EPG5: variants seen among roughly 807,000 people sequenced by gnomAD.
EPG5 encodes ectopic P-granules 5 autophagy tethering factor.
In EPG5, 159 loss-of-function variants were observed where a neutral mutation model predicts 302.7. The ratio of observed to expected loss-of-function variants is 0.53; its 90% CI spans 0.46 to 0.60. The LOEUF (loss-of-function observed/expected upper bound fraction) is 0.60, where lower values mean the gene tolerates loss of function less well. Among genes scored for constraint, EPG5 ranks in the 20% least tolerant of loss-of-function variants. The probability of loss-of-function intolerance (pLI) is 0.00; values close to 1 mark genes in which losing one functional copy is unlikely to be tolerated. For synonymous variants in EPG5, 1,158 were observed against 1,136.8 expected (o/e 1.02, Z -0.37); for missense variants, 2,896 against 3,092.4 (o/e 0.94, Z 1.51).
intron 35 of EPG5, among the ~76,000 whole-genome samples, chr18:45,873,474 C>T (rs1330468894): frequency 2.6e-5 from 4 of 151,186 alleles, no homozygotes; most frequent in Non-Finnish European, 4.4e-5. Context: ...CCTGCCACTG[C>T]ACTCCAGCCT....
intron 35 of EPG5, among the ~76,000 whole-genome samples, chr18:45,875,454 G>A (rs1168459890): frequency 6.6e-6 from 1 of 151,854 alleles, no homozygotes; most frequent in Admixed American, 6.6e-5. Flanking sequence ...AAAGGATCAG[G>A]GTACATTTGA....
chr18:45,900,866 T>C, intron 26 of EPG5, 130 bp downstream of exon 26: 1 of 884,908 alleles, frequency 1.1e-6, no homozygotes, highest in East Asian at 2.5e-5. Context: ...AAGTGAACCG[T>C]CTGGGCCAGG....
chr18:45,921,119 T>A (rs774075742), intron 16 of EPG5, among the ~76,000 whole-genome samples: 11 of 152,226 alleles, frequency 7.2e-5, no homozygotes, highest in Non-Finnish European at 1.3e-4. Flanking sequence ...AATTATATTC[T>A]ATAGTACTGC....
chr18:45,916,569 G>C lies in EPG5; in HGVS notation c.3253C>G (p.Leu1085Val), dbSNP rs771017938. ...LLKNEQFLSH[L>V]LLFLHLDSGV... ...CTGTCCAAGTGTAGGAACAAGAGGAGATGCGATAAAAACCTGCCAAGCACA... is the reference window on the plus strand; with the variant it reads ...CTGTCCAAGTGTAGGAACAAGAGGACATGCGATAAAAACCTGCCAAGCACA... Residue 1085 changes from leucine (L) to valine (V), a missense_variant, in exon 18 of 44, where the codon CTC becomes GTC. Physicochemically the swap from Leu to Val is conservative, Grantham distance 32 (BLOSUM62 1). Around this residue, in one of 5 missense-constraint regions of EPG5, gnomAD observed 1,390 missense variants for 1,430.0 expected, o/e 0.97. Transcript: ENST00000282041. The C allele has an allele frequency of 7.5e-6, 12 of 1,599,280 alleles. No homozygotes were observed. Among genetic ancestry groups the C allele is most frequent in the Non-Finnish European group, 1.0e-5 (12 of 1,167,816 alleles).
the EPG5 span, among the ~76,000 whole-genome samples, chr18:45,828,703 T>C: frequency 0.049 from 7,454 of 152,264 alleles, 614 homozygotes; most frequent in African/African-American, 0.17. Context: ...AAGCAGAGGC[T>C]TCTGAGTGTG....
chr18:45,939,607 C>T lies in EPG5; in HGVS notation c.2092G>A (p.Ala698Thr). Residue 698 changes from alanine (A) to threonine (T), a missense_variant, in exon 10 of 44, where the codon GCC becomes ACC. This residue lies in a region of EPG5 where 1,390 missense variants were observed against 1,430.0 expected (regional missense o/e 0.97). Coordinates refer to ENST00000282041, the MANE Select transcript of EPG5 (RefSeq NM_020964.3). ...ATCATATGTCTTACTTACCTTTTGG[C>T]CTTCAGCACATGTAGGACAGCCCTC... ...FLRAVLHVLKAKRLGIWLFMS... is the reference protein window; with the variant it reads ...FLRAVLHVLKTKRLGIWLFMS... 6.2e-7 allele frequency: 1 copy of T among 1,613,934 alleles called. No homozygotes were observed. The highest frequency in any genetic ancestry group is 8.5e-7 in the Non-Finnish European group (1 of 1,179,936).
intron 10 of EPG5, among the ~76,000 whole-genome samples, chr18:45,936,877 T>C (rs1010363913): frequency 4.6e-5 from 7 of 151,846 alleles, no homozygotes; most frequent in African/African-American, 1.7e-4. Flanking sequence ...ACAAATTATC[T>C]AATTACAAAT....
At chr18:45,940,171 T>C (rs2050630397) in intron 9 of EPG5, among the ~76,000 whole-genome samples, 1 of 151,926 alleles carries the variant, frequency 6.6e-6, no homozygotes. Context: ...ATGAGAAGAG[T>C]GTCCACGTAG....
At chr18:45,948,267 A>G (rs1197954644) in intron 6 of EPG5, among the ~76,000 whole-genome samples, 1 of 152,228 alleles carries the variant, frequency 6.6e-6, no homozygotes, top group Non-Finnish European at 1.5e-5. Flanking sequence ...ACCTTTCACA[A>G]TAGTATATAT....
rs373730714 is a variant in EPG5 at position 45,954,397 on chromosome 18, T to G, written c.1005A>C (p.Val335=). ...LWQFKEEQMS[V]QGICADQVKV... Reference sequence around the variant, plus strand: ...CCCAGGCTTCTGATCAAAATACCTGTACAGACATTTGTTCCTCCTTAAACT... The same window carrying G: ...CCCAGGCTTCTGATCAAAATACCTGGACAGACATTTGTTCCTCCTTAAACT... The change falls in exon 2 of 44, where the codon GTA becomes GTC. Residue 335 remains valine, a synonymous_variant. Coordinates refer to ENST00000282041, the MANE Select transcript of EPG5 (RefSeq NM_020964.3). 26 of 1,601,460 alleles carry G rather than the reference T, an allele frequency of 1.6e-5. No individual in the cohort carries two copies. The highest frequency in any genetic ancestry group is 2.2e-5 in the Non-Finnish European group (26 of 1,174,372).
chr18:45,966,973 G>A (rs2051278093), intron 1 of EPG5, among the ~76,000 whole-genome samples: 1 of 152,192 alleles, frequency 6.6e-6, no homozygotes, highest in Non-Finnish European at 1.5e-5. Context: ...ATGGGGTCCT[G>A]ACAGAGTGTG....
chr18:45,925,601 C>A, intron 14 of EPG5, 137 bp downstream of exon 14: 1 of 580,420 alleles, frequency 1.7e-6, no homozygotes, highest in Non-Finnish European at 2.8e-6. Flanking sequence ...ACAGAAAATC[C>A]TAAACTCTGA....
At chr18:45,859,965 T>G in intron 40 of EPG5, 139 bp downstream of exon 40, 1 of 1,110,518 alleles carries the variant, frequency 9.0e-7, no homozygotes, top group Non-Finnish European at 1.3e-6. Flanking sequence ...TTCAGAAACA[T>G]CCACAACATT....
At position 45,943,202 on chromosome 18, in the gene EPG5, T is replaced by C. The variant is rs754380475; in HGVS notation, c.1902A>G (p.Ala634=). 1 of 1,614,184 alleles carries C rather than the reference T, an allele frequency of 6.2e-7. No individual in the cohort carries two copies. The highest frequency in any genetic ancestry group is 1.1e-5 in the South Asian group (1 of 91,086). The part of the protein sequence containing the change: ...LAVGLETFNR[A]RYRQFVKRIG... ...TTCGCTTCACAAACTGCCTATAGCG[T>C]GCTCTATTAAAGGTTTCTAACCCCA... Residue 634 remains alanine, a synonymous_variant, in exon 9 of 44, where the codon GCA becomes GCG. Coordinates refer to ENST00000282041, the MANE Select transcript of EPG5 (RefSeq NM_020964.3).
At chr18:45,922,187 C>T (rs1390589593) in intron 16 of EPG5, among the ~76,000 whole-genome samples, 154 bp downstream of exon 16, 1 of 152,208 alleles carries the variant, frequency 6.6e-6, no homozygotes, top group Non-Finnish European at 1.5e-5. Flanking sequence ...TGGGCAGCAT[C>T]TCCCCTTGAT....
At chr18:45,853,395 G>T (rs1167387954) in intron 43 of EPG5, among the ~76,000 whole-genome samples, 1 of 152,192 alleles carries the variant, frequency 6.6e-6, no homozygotes, top group Non-Finnish European at 1.5e-5. Flanking sequence ...TTTCTTCATA[G>T]TAGGAGAAGA....
the EPG5 span, among the ~76,000 whole-genome samples, chr18:45,841,294 G>C: frequency 0.016 from 2,386 of 152,218 alleles, 55 homozygotes; most frequent in African/African-American, 0.048. Flanking sequence ...AGCCCCACTA[G>C]AGTGTGGACG....
chr18:45,899,125 A>G (rs964054644), intron 27 of EPG5, among the ~76,000 whole-genome samples: 2 of 152,132 alleles, frequency 1.3e-5, no homozygotes, highest in African/African-American at 4.8e-5. Context: ...AAAAACAAAC[A>G]AACAAAAAAA....
chr18:45,953,471 A>G (rs1343320356), intron 2 of EPG5: 1 of 985,282 alleles, frequency 1.0e-6, no homozygotes, highest in Non-Finnish European at 1.2e-6. Flanking sequence ...CTGCCAATGA[A>G]TGAGGATTAG....
Sources: gnomAD v4.1 joint callset for allele counts (sites outside exome capture counted in the v4.1 genomes callset) on GRCh38, gnomAD v4.1.1 for gene constraint, gnomAD v4.1.1 regional missense constraint, MANE v1.5 for transcripts, NCBI Gene and HGNC (gene_info 2026-07-23, HGNC 2026-07-21) for gene names.